EPHA6: variants seen among roughly 807,000 people sequenced by gnomAD.
The protein encoded by EPHA6 is EPH receptor A6, also known as ephrin type-A receptor 6.
Under a neutral mutation model 112.0 loss-of-function variants are expected in EPHA6, and 50 were observed. The ratio of observed to expected loss-of-function variants is 0.45; its 90% CI spans 0.36 to 0.56. The LOEUF (loss-of-function observed/expected upper bound fraction) is 0.56, where lower values mean the gene tolerates loss of function less well. Ranked by LOEUF, EPHA6 falls within the 20% of genes least tolerant of loss-of-function variation. EPHA6 has a pLI of 0.00. For missense variants in EPHA6, 1,280 were observed against 1,417.4 expected, an observed-to-expected ratio of 0.90 and a Z score of 1.56; for synonymous variants, 529 against 490.7, an observed-to-expected ratio of 1.08 and a Z score of -1.03.
intron 1 of EPHA6, among the ~76,000 whole-genome samples, chr3:96,857,484 T>C (rs9878741): frequency 0.25 from 37,478 of 151,102 alleles, 8,741 homozygotes; most frequent in African/African-American, 0.6. Flanking sequence ...AAAAGATTAA[T>C]TGCCTTATAG....
intron 5 of EPHA6, among the ~76,000 whole-genome samples, chr3:97,358,274 A>G (rs2084187946): frequency 1.3e-5 from 2 of 152,012 alleles, no homozygotes; most frequent in African/African-American, 4.8e-5. Flanking sequence ...TATGGGCATT[A>G]CATCTAACAT....
intron 2 of EPHA6, among the ~76,000 whole-genome samples, chr3:96,889,460 C>G (rs1173989516): frequency 6.6e-6 from 1 of 152,136 alleles, no homozygotes; most frequent in Admixed American, 6.5e-5. Context: ...ACGTGAAAGG[C>G]ACTTCTTACA....
At chr3:97,436,774 T>C (rs1335213873) in intron 6 of EPHA6, among the ~76,000 whole-genome samples, 5 of 152,220 alleles carry the variant, frequency 3.3e-5, no homozygotes, top group Admixed American at 6.5e-5. Context: ...CAGTTTTGGA[T>C]GCCAGTCAAC....
intron 5 of EPHA6, among the ~76,000 whole-genome samples, chr3:97,374,714 G>T (rs1360383353): frequency 6.6e-6 from 1 of 151,926 alleles, no homozygotes; most frequent in Non-Finnish European, 1.5e-5. Flanking sequence ...CCATCTTTAT[G>T]CCCATGTGTA....
chr3:97,616,593 T>C (rs934700705), intron 13 of EPHA6, among the ~76,000 whole-genome samples: 1 of 152,054 alleles, frequency 6.6e-6, no homozygotes, highest in Non-Finnish European at 1.5e-5. Flanking sequence ...ACTGAACTGA[T>C]TGACAGAGCT....
chr3:97,563,148 T>C (rs900442641), intron 11 of EPHA6, among the ~76,000 whole-genome samples: 13 of 152,092 alleles, frequency 8.5e-5, no homozygotes, highest in Non-Finnish European at 1.5e-4. Flanking sequence ...TTGTAATGCG[T>C]AATATAATAT....
intron 2 of EPHA6, among the ~76,000 whole-genome samples, chr3:96,882,730 CTGTGTGTGTGTGTG>C (rs1207060710): frequency 6.2e-5 from 8 of 129,240 alleles, no homozygotes; most frequent in African/African-American, 1.8e-4. Flanking sequence ...CATTGTGTGT[CTGTGTGTGTGTGTG>C]TGTGTGTGTG....
intron 3 of EPHA6, among the ~76,000 whole-genome samples, chr3:97,112,481 G>A (rs927588642): frequency 5.9e-5 from 9 of 152,108 alleles, no homozygotes; most frequent in African/African-American, 1.9e-4. Context: ...GGGAAGAAAA[G>A]CCAAGTGCTA....
chr3:96,914,034 T>C (rs2039365951), intron 2 of EPHA6, among the ~76,000 whole-genome samples: 2 of 152,160 alleles, frequency 1.3e-5, no homozygotes, highest in Admixed American at 6.6e-5. Context: ...CCTAACGATA[T>C]GAATTTCTCT....
chr3:97,315,408 C>T (rs2081775513), intron 5 of EPHA6, among the ~76,000 whole-genome samples: 1 of 151,620 alleles, frequency 6.6e-6, no homozygotes, highest in Non-Finnish European at 1.5e-5. Flanking sequence ...AAATTTCTTG[C>T]CCCTCCCTAA....
chr3:97,120,006 A>T (rs2047998257), intron 3 of EPHA6, among the ~76,000 whole-genome samples: 2 of 151,998 alleles, frequency 1.3e-5, no homozygotes, highest in Admixed American at 1.3e-4. Context: ...TCACTGATAA[A>T]ATCACATGAA....
rs1175160678 is a variant in EPHA6 at position 97,664,333 on chromosome 3, AG to A, written c.2784+26252del. On this transcript the variant is annotated intron_variant, in intron 14 of 17. Transcript: ENST00000389672. ...TTCTTTTGCTGTGCAGAAGCTCTTT[AG>A]TTTAATTAGATCCCATTTGTCAGTT... is the stretch of plus-strand genomic sequence containing the variant. Among the ~76,000 whole-genome samples the A allele has an allele frequency of 2.0e-5, 3 of 152,208 alleles. No homozygotes were observed. In the East Asian group the frequency reaches 5.8e-4, roughly 29 times the overall value.
At chr3:97,630,205 A>T (rs186763252) in intron 13 of EPHA6, among the ~76,000 whole-genome samples, 2 of 152,018 alleles carry the variant, frequency 1.3e-5, no homozygotes, top group East Asian at 3.9e-4. Flanking sequence ...GCCTCTCTCA[A>T]CTACAACTAA....
intron 14 of EPHA6, among the ~76,000 whole-genome samples, chr3:97,659,663 A>G (rs2094157636): frequency 6.6e-6 from 1 of 152,072 alleles, no homozygotes; most frequent in South Asian, 2.1e-4. Context: ...ATATTGAAAT[A>G]TAACGTAACA....
rs181679166 is a variant in EPHA6, at chr3:97,224,991, T to C, written c.1115-1273T>C. Among the ~76,000 whole-genome samples the C allele has an allele frequency of 3.1e-3, 479 of 152,290 alleles. 3 individuals are homozygous for C. Among genetic ancestry groups the C allele is most frequent in the African/African-American group, 0.01 (436 of 41,564 alleles). On this transcript the variant is annotated intron_variant, in intron 3 of 17. Coordinates refer to ENST00000389672, the MANE Select transcript of EPHA6 (RefSeq NM_001080448.3). ...TTTGTTTTGAGACGGAGTCTCGCTCTGTCGCCCAGGCTGGAGTGCAGTGCC... is the reference window on the plus strand; with the variant it reads ...TTTGTTTTGAGACGGAGTCTCGCTCCGTCGCCCAGGCTGGAGTGCAGTGCC...
At chr3:96,913,208 ACACAC>A in intron 2 of EPHA6, among the ~76,000 whole-genome samples, 1 of 117,572 alleles carries the variant, frequency 8.5e-6, no homozygotes, top group Non-Finnish European at 1.7e-5. Context: ...ACACACACAC[ACACAC>A]CACACACACG....
At chr3:97,484,119 A>T in intron 10 of EPHA6, 60 bp downstream of exon 10, 1 of 1,488,068 alleles carries the variant, frequency 6.7e-7, no homozygotes, top group Non-Finnish European at 9.0e-7. Flanking sequence ...TAACTGGTTT[A>T]TCAACATACT....
At chr3:97,120,813 G>C (rs1333776173) in intron 3 of EPHA6, among the ~76,000 whole-genome samples, 2 of 151,664 alleles carry the variant, frequency 1.3e-5, no homozygotes, top group Admixed American at 6.6e-5. Flanking sequence ...AGGTTTTTTG[G>C]CATTCATGCT....
At chr3:97,614,741 A>G (rs907955564) in intron 13 of EPHA6, among the ~76,000 whole-genome samples, 1 of 152,134 alleles carries the variant, frequency 6.6e-6, no homozygotes. Context: ...ATTAATAAAG[A>G]AAGCAAGAAG....
Sources: gnomAD v4.1 joint callset for allele counts (sites outside exome capture counted in the v4.1 genomes callset) on GRCh38, gnomAD v4.1.1 for gene constraint, MANE v1.5 for transcripts, NCBI Gene and HGNC (gene_info 2026-07-23, HGNC 2026-07-21) for gene names.